The following TENT5D variants were observed in gnomAD, a reference collection of about 807,000 sequenced individuals.
TENT5D encodes the protein terminal nucleotidyltransferase 5D.
For missense variants in TENT5D, 191 were observed against 287.0 expected, an observed-to-expected ratio of 0.67 and a Z score of 2.42; for synonymous variants, 103 against 100.6, an observed-to-expected ratio of 1.02 and a Z score of -0.15.
intron 1 of TENT5D, among the ~76,000 whole-genome samples, chrX:80,437,745 A>G (rs1292276978): frequency 9.0e-6 from 1 of 111,725 alleles, no homozygotes; most frequent in African/African-American, 3.2e-5. Flanking sequence ...AATATCTAAT[A>G]CCTCTTTCCA....
chrX:80,437,848 A>G (rs1345454781), intron 1 of TENT5D, among the ~76,000 whole-genome samples: 2 of 111,447 alleles, frequency 1.8e-5, no homozygotes, highest in East Asian at 5.6e-4. Flanking sequence ...AGGTACGTAT[A>G]TATGGATATA....
At chrX:80,351,294 T>C (rs1930173675) in intron 3 of TENT5D, among the ~76,000 whole-genome samples, 1 of 110,204 alleles carries the variant, frequency 9.1e-6, no homozygotes, top group Non-Finnish European at 1.9e-5. Context: ...CAATCGTAGG[T>C]TTGGTCTTTT....
At chrX:80,359,310 A>G (rs1411182333) in intron 3 of TENT5D, among the ~76,000 whole-genome samples, 1 of 111,888 alleles carries the variant, frequency 8.9e-6, no homozygotes, top group African/African-American at 3.3e-5. Context: ...GTATATACCC[A>G]AAGAATTATA....
chrX:80,399,245 G>A (rs1188164695), intron 3 of TENT5D, among the ~76,000 whole-genome samples: 2 of 112,110 alleles, frequency 1.8e-5, no homozygotes, highest in African/African-American at 6.5e-5. Flanking sequence ...ATAGTTTCAA[G>A]TCTCATTTTT....
chrX:80,356,952 C>T (rs938558570), intron 3 of TENT5D, among the ~76,000 whole-genome samples: 2 of 110,802 alleles, frequency 1.8e-5, no homozygotes, highest in African/African-American at 6.6e-5. Context: ...TGATGTTCCC[C>T]TTCCTGTGTC....
At chrX:80,415,840 A>G (rs926569715), upstream of TENT5D, among the ~76,000 whole-genome samples, 1 of 111,655 alleles carries the variant, frequency 9.0e-6, no homozygotes, top group Non-Finnish European at 1.9e-5. Context: ...CCTCCTCCTC[A>G]GTTTTTGGGA....
At chrX:80,381,665 C>CT (rs1243917113) in intron 3 of TENT5D, among the ~76,000 whole-genome samples, 1 of 111,574 alleles carries the variant, frequency 9.0e-6, no homozygotes, top group Non-Finnish European at 1.9e-5. Flanking sequence ...TCTTTTTACT[C>CT]TTTTTTTCTC....
chrX:80,413,585 T>C (rs966730027), intron 3 of TENT5D, among the ~76,000 whole-genome samples: 3 of 111,830 alleles, frequency 2.7e-5, no homozygotes, highest in African/African-American at 9.8e-5. Flanking sequence ...TGAATAAGTC[T>C]CCCAAGATCT....
chrX:80,433,194 A>G (rs754610156), intron 1 of TENT5D, among the ~76,000 whole-genome samples: 10 of 112,416 alleles, frequency 8.9e-5, no homozygotes, highest in Admixed American at 3.8e-4. Context: ...AAGCATTTCT[A>G]TGCTGAGCCT....
chrX:80,409,745 A>G (rs1358669310), intron 3 of TENT5D, among the ~76,000 whole-genome samples: 1 of 107,990 alleles, frequency 9.3e-6, no homozygotes, highest in Admixed American at 1.0e-4. Flanking sequence ...GGAAAAAACT[A>G]CTTTAAAGTT....
chrX:80,430,832 G>A (rs1164925471), intron 1 of TENT5D, among the ~76,000 whole-genome samples: 1 of 111,095 alleles, frequency 9.0e-6, no homozygotes, highest in East Asian at 2.9e-4. Flanking sequence ...AAGAGGCGGG[G>A]GAAAGATGTC....
intron 3 of TENT5D, among the ~76,000 whole-genome samples, chrX:80,381,215 TG>T (rs201679426): frequency 0.013 from 1,456 of 111,965 alleles, 26 homozygotes; most frequent in African/African-American, 0.044. Context: ...CCTTCACTTA[TG>T]AAGCTTAGTT....
intron 3 of TENT5D, among the ~76,000 whole-genome samples, chrX:80,405,030 A>G (rs944775878): frequency 8.9e-6 from 1 of 111,788 alleles, no homozygotes; most frequent in Non-Finnish European, 1.9e-5. Context: ...TTAAGAAAAC[A>G]TTTTTAGCAT....
intron 3 of TENT5D, among the ~76,000 whole-genome samples, chrX:80,366,658 C>A (rs960187499): frequency 1.8e-5 from 2 of 111,324 alleles, no homozygotes; most frequent in Non-Finnish European, 3.8e-5. Context: ...TAAATACTCA[C>A]TACACATTTT....
intron 3 of TENT5D, among the ~76,000 whole-genome samples, chrX:80,368,630 A>G (rs1930557624): frequency 8.9e-6 from 1 of 112,033 alleles, no homozygotes; most frequent in Admixed American, 9.5e-5. Flanking sequence ...TCTTCCACCA[A>G]CTGATCTGAG....
intron 3 of TENT5D, among the ~76,000 whole-genome samples, chrX:80,350,187 A>G (rs1161968780): frequency 9.0e-6 from 1 of 111,321 alleles, no homozygotes; most frequent in Non-Finnish European, 1.9e-5. Context: ...GCTGAGTTCA[A>G]GTCTTGAATA....
chrX:80,431,181 G>A (rs1932081390), intron 1 of TENT5D, among the ~76,000 whole-genome samples: 1 of 111,643 alleles, frequency 9.0e-6, no homozygotes. Context: ...CCTTTGATGG[G>A]GACAGTACCA....
At chrX:80,359,582 A>G (rs1431164484) in intron 3 of TENT5D, among the ~76,000 whole-genome samples, 2 of 111,220 alleles carry the variant, frequency 1.8e-5, no homozygotes, top group Non-Finnish European at 3.8e-5. Flanking sequence ...TGGGAGTTGT[A>G]CAATGAGAAC....
intron 3 of TENT5D, among the ~76,000 whole-genome samples, chrX:80,408,008 A>G (rs1269700925): frequency 9.0e-6 from 1 of 110,630 alleles, no homozygotes; most frequent in African/African-American, 3.3e-5. Context: ...ACTACTGGAT[A>G]CATAACGAAA....
Sources: allele counts gnomAD v4.1 joint callset (sites outside exome capture counted in the v4.1 genomes callset), GRCh38; gene constraint gnomAD v4.1.1; transcripts MANE v1.5; gene names NCBI Gene and HGNC (gene_info 2026-07-23, HGNC 2026-07-21).